The following NPAS3 variants were observed in gnomAD, a reference collection of about 807,000 sequenced individuals.
NPAS3 encodes the protein neuronal PAS domain-containing protein 3.
A neutral mutation model predicts 73.1 loss-of-function variants in NPAS3; 14 were observed. That is an observed-to-expected ratio of 0.19 (90% confidence interval 0.13 to 0.30). NPAS3 has a LOEUF of 0.30. Among genes scored for constraint, NPAS3 ranks in the 10% least tolerant of loss-of-function variants. NPAS3 has a pLI of 1.00. For missense variants in NPAS3, 1,096 were observed against 1,250.0 expected, an observed-to-expected ratio of 0.88 and a Z score of 1.86; for synonymous variants, 620 against 541.5, an observed-to-expected ratio of 1.14 and a Z score of -2.01.
chr14:33,061,167 G>C (rs1044536356), intron 2 of NPAS3, among the ~76,000 whole-genome samples: 3 of 152,192 alleles, frequency 2.0e-5, no homozygotes, highest in Non-Finnish European at 4.4e-5. Context: ...GATTCTGCTG[G>C]GGGGAGGATG....
rs146753561 is a variant in NPAS3 at position 33,162,236 on chromosome 14, A to G, written c.141-52946A>G. On this transcript the variant is annotated intron_variant, in intron 2 of 11. Transcript: ENST00000356141. ...TTTTAAACACAAAACAGAGTCTAGA[A>G]TAATGAATCTCCATGCATCCATATC... is the stretch of plus-strand genomic sequence containing the variant. 2.6e-5 allele frequency among the ~76,000 whole-genome samples: 4 copies of G among 152,344 alleles called. No individual in the cohort carries two copies. The East Asian group carries it at 7.7e-4, about 29-fold the overall frequency.
intron 9 of NPAS3, among the ~76,000 whole-genome samples, chr14:33,786,442 G>T (rs1285707589): frequency 1.3e-5 from 2 of 152,080 alleles, no homozygotes; most frequent in African/African-American, 4.8e-5. Flanking sequence ...AGAAGCACAG[G>T]GTCCACCAGA....
intron 1 of NPAS3, among the ~76,000 whole-genome samples, chr14:33,003,817 C>T (rs976839726): frequency 2.6e-5 from 4 of 152,162 alleles, no homozygotes; most frequent in Non-Finnish European, 4.4e-5. Context: ...GGACTTACTT[C>T]GGGTTAAGGC....
At chr14:33,707,027 C>T (rs2140475176) in intron 6 of NPAS3, among the ~76,000 whole-genome samples, 1 of 152,304 alleles carries the variant, frequency 6.6e-6, no homozygotes, top group African/African-American at 2.4e-5. Flanking sequence ...ATTATGTGTC[C>T]TCTATCTTCC....
At chr14:33,200,163 T>A (rs556460497) in intron 2 of NPAS3, among the ~76,000 whole-genome samples, 1 of 151,866 alleles carries the variant, frequency 6.6e-6, no homozygotes, top group East Asian at 2.0e-4. Context: ...TAAATGGATC[T>A]ATGTATTAGG....
chr14:33,029,788 GAGA>G (rs1358575773), intron 1 of NPAS3, among the ~76,000 whole-genome samples: 1 of 152,182 alleles, frequency 6.6e-6, no homozygotes, highest in Non-Finnish European at 1.5e-5. Context: ...AAACCAAAAT[GAGA>G]AGAACTGAGT....
intron 4 of NPAS3, among the ~76,000 whole-genome samples, chr14:33,533,892 A>G (rs1032183108): frequency 4.6e-5 from 7 of 152,138 alleles, no homozygotes; most frequent in Non-Finnish European, 2.9e-5. Context: ...GTATATATAA[A>G]TGTATATGAC....
intron 10 of NPAS3, among the ~76,000 whole-genome samples, chr14:33,796,073 C>T (rs1196410271): frequency 6.6e-6 from 1 of 152,146 alleles, no homozygotes; most frequent in East Asian, 1.9e-4. Context: ...CTGGTATCAC[C>T]TCTATAGGGT....
At chr14:33,196,721 T>G (rs1260276593) in intron 2 of NPAS3, among the ~76,000 whole-genome samples, 1 of 152,240 alleles carries the variant, frequency 6.6e-6, no homozygotes, top group Non-Finnish European at 1.5e-5. Context: ...TCATTTGTAG[T>G]GTGCAATATA....
chr14:33,778,491 C>T, exon 9 of NPAS3: 1 of 1,613,174 alleles, frequency 6.2e-7, no homozygotes, highest in Non-Finnish European at 8.5e-7. Context: ...GGATCTGACC[C>T]CTGTAGATAT....
At chr14:33,076,478 G>A (rs2138684875) in intron 2 of NPAS3, among the ~76,000 whole-genome samples, 1 of 152,298 alleles carries the variant, frequency 6.6e-6, no homozygotes, top group East Asian at 1.9e-4. Context: ...CCTTAGAACA[G>A]CTTTCCTTCA....
chr14:33,229,694 C>T (rs748238818), intron 3 of NPAS3, among the ~76,000 whole-genome samples: 15 of 152,184 alleles, frequency 9.9e-5, no homozygotes, highest in Non-Finnish European at 2.2e-4. Flanking sequence ...TGGCTTTCTG[C>T]AAGCAATATT....
intron 1 of NPAS3, among the ~76,000 whole-genome samples, chr14:33,033,639 T>A (rs1297566401): frequency 6.6e-6 from 1 of 152,162 alleles, no homozygotes; most frequent in East Asian, 1.9e-4. Flanking sequence ...AATGGTTCAT[T>A]TGCTTAACTG....
At chr14:33,644,167 T>G (rs1223816714) in intron 5 of NPAS3, among the ~76,000 whole-genome samples, 1 of 152,226 alleles carries the variant, frequency 6.6e-6, no homozygotes, top group South Asian at 2.1e-4. Context: ...AATATTTGCA[T>G]AATTTATTAA....
rs533233473 is a variant in NPAS3, at chr14:33,198,146, C to T, written c.141-17036C>T. 3.0e-4 allele frequency among the ~76,000 whole-genome samples: 45 copies of T among 152,274 alleles called. 1 individual carries two copies. Among genetic ancestry groups the T allele is most frequent in the Admixed American group, 1.1e-3 (17 of 15,310 alleles). On this transcript the variant is annotated intron_variant, in intron 2 of 11. Transcript: ENST00000356141. ...CCTCAGGAGTGAAACTGCAGACCTT[C>T]GCAGTGTTACAGCTCATAAAGTCAG...
At position 33,080,994 on chromosome 14, in the gene NPAS3, T is replaced by G. The variant is rs1175651696; in HGVS notation, c.140+25000T>G. 2.0e-5 allele frequency among the ~76,000 whole-genome samples: 3 copies of G among 152,324 alleles called. No individual in the cohort carries two copies. The East Asian group carries it at 5.8e-4, about 29-fold the overall frequency. ...AGTGTTATTTGGGAAGTAGGTTAGG[T>G]GATTTGGTAAACACTTGGTTAAATA... On this transcript the variant is annotated intron_variant, in intron 2 of 11. Coordinates refer to ENST00000356141, the Ensembl canonical transcript of NPAS3.
chr14:33,639,882 G>A (rs989021785), intron 5 of NPAS3, among the ~76,000 whole-genome samples: 5 of 152,146 alleles, frequency 3.3e-5, no homozygotes, highest in Admixed American at 2.0e-4. Flanking sequence ...ATAGTTTTGT[G>A]TTCTTTCAGC....
chr14:33,731,605 G>A (rs940555837), intron 6 of NPAS3, among the ~76,000 whole-genome samples: 2 of 151,924 alleles, frequency 1.3e-5, no homozygotes, highest in African/African-American at 4.8e-5. Flanking sequence ...CTTCTTTACC[G>A]CCTCCTGCCC....
chr14:33,415,814 A>G (rs998359718), intron 4 of NPAS3, among the ~76,000 whole-genome samples: 1 of 152,102 alleles, frequency 6.6e-6, no homozygotes, highest in East Asian at 1.9e-4. Context: ...TACCCTTTAC[A>G]TCCTATTAGA....
Sources: gnomAD v4.1 joint callset for allele counts (sites outside exome capture counted in the v4.1 genomes callset) on GRCh38, gnomAD v4.1.1 for gene constraint, MANE v1.5 for transcripts, NCBI Gene and HGNC (gene_info 2026-07-23, HGNC 2026-07-21) for gene names.